PVT1: variants seen among roughly 807,000 people sequenced by gnomAD.
PVT1 encodes the protein CXCR4/PVT1 fusion.
chr8:127,802,374 C>G (rs996060571), intron 2 of PVT1, among the ~76,000 whole-genome samples: 1 of 152,038 alleles, frequency 6.6e-6, no homozygotes, highest in Non-Finnish European at 1.5e-5. Context: ...TCACCACGCC[C>G]AGCTAATTTT....
chr8:128,041,114 GTA>G (rs1443810316), intron 4 of PVT1, among the ~76,000 whole-genome samples: 19 of 151,424 alleles, frequency 1.3e-4, no homozygotes, highest in South Asian at 2.1e-4. Flanking sequence ...GTGATTGTGT[GTA>G]TATGTTTGTG....
intron 3 of PVT1, among the ~76,000 whole-genome samples, chr8:127,952,995 C>T (rs7007212): frequency 6.6e-6 from 1 of 151,728 alleles, no homozygotes; most frequent in Admixed American, 6.6e-5. Flanking sequence ...CGATCTCCTG[C>T]CCTCGTGATC....
intron 3 of PVT1, among the ~76,000 whole-genome samples, chr8:127,907,280 T>C (rs1256710679): frequency 6.6e-6 from 1 of 152,132 alleles, no homozygotes. Context: ...TCCCTGGCAC[T>C]CTTGAGCATG....
chr8:127,969,036 C>T (rs1009265866), intron 3 of PVT1, among the ~76,000 whole-genome samples: 1 of 152,160 alleles, frequency 6.6e-6, no homozygotes, highest in African/African-American at 2.4e-5. Flanking sequence ...TTTCAAGCCA[C>T]CTATTTTGCG....
intron 3 of PVT1, among the ~76,000 whole-genome samples, chr8:127,909,925 G>T (rs753201420): frequency 9.9e-5 from 15 of 152,080 alleles, no homozygotes; most frequent in Non-Finnish European, 2.2e-4. Flanking sequence ...TTTTCTTGGT[G>T]GGGTGTTCAT....
intron 5 of PVT1, among the ~76,000 whole-genome samples, chr8:128,076,986 G>T (rs1230688841): frequency 6.6e-6 from 1 of 152,176 alleles, no homozygotes; most frequent in Non-Finnish European, 1.5e-5. Flanking sequence ...CACGGCAAAG[G>T]GTATTCCCCT....
chr8:127,809,054 AAG>A (rs1554588302), intron 2 of PVT1, among the ~76,000 whole-genome samples: 4,512 of 136,796 alleles, frequency 0.033, 271 homozygotes, highest in Non-Finnish European at 0.038. Context: ...AAAAAAAAAA[AAG>A]AAAGAAAAAA....
chr8:127,836,342 T>C (rs1814908784), intron 2 of PVT1, among the ~76,000 whole-genome samples: 1 of 152,214 alleles, frequency 6.6e-6, no homozygotes, highest in Non-Finnish European at 1.5e-5. Context: ...GTGCAGGATG[T>C]GCAGATTTGT....
chr8:127,862,906 G>A (rs1815243473), intron 2 of PVT1, among the ~76,000 whole-genome samples: 1 of 152,008 alleles, frequency 6.6e-6, no homozygotes, highest in Non-Finnish European at 1.5e-5. Flanking sequence ...TGCAGATGGT[G>A]GAACCGGGGT....
intron 2 of PVT1, among the ~76,000 whole-genome samples, chr8:127,801,828 T>C (rs935189625): frequency 6.6e-6 from 1 of 152,168 alleles, no homozygotes; most frequent in Non-Finnish European, 1.5e-5. Flanking sequence ...GAAATTGATA[T>C]GTACTGTGTG....
intron 4 of PVT1, among the ~76,000 whole-genome samples, chr8:128,031,736 T>C (rs1418885387): frequency 6.6e-6 from 1 of 152,230 alleles, no homozygotes; most frequent in East Asian, 1.9e-4. Flanking sequence ...TCATTTAATC[T>C]TCATAATGAC....
intron 5 of PVT1, among the ~76,000 whole-genome samples, chr8:128,079,051 A>AT (rs934169585): frequency 1.0e-4 from 13 of 125,624 alleles, no homozygotes; most frequent in South Asian, 5.0e-4. Flanking sequence ...GTGATTTCCA[A>AT]TTTTTTTTTC....
intron 6 of PVT1, among the ~76,000 whole-genome samples, chr8:128,097,985 A>G (rs1416725002): frequency 6.6e-6 from 1 of 152,042 alleles, no homozygotes; most frequent in Non-Finnish European, 1.5e-5. Context: ...CCTACCCGGC[A>G]CCTGGAACTC....
At chr8:127,887,901 C>T (rs1047394373) in intron 2 of PVT1, among the ~76,000 whole-genome samples, 4 of 143,040 alleles carry the variant, frequency 2.8e-5, no homozygotes, top group Non-Finnish European at 6.0e-5. Flanking sequence ...GAGTCAAACC[C>T]AACTTGGATG....
intron 4 of PVT1, among the ~76,000 whole-genome samples, chr8:128,041,047 GTGTT>G (rs1203209201): frequency 4.0e-5 from 6 of 149,550 alleles, no homozygotes; most frequent in Admixed American, 2.0e-4. Context: ...GAGTGCCTGT[GTGTT>G]TGTGTGTTTT....
At chr8:127,799,524 GC>G (rs1186741003) in intron 2 of PVT1, among the ~76,000 whole-genome samples, 2 of 152,242 alleles carry the variant, frequency 1.3e-5, no homozygotes, top group Non-Finnish European at 2.9e-5. Flanking sequence ...GAAGTGGGGG[GC>G]TTGCCTGTAG....
At chr8:127,976,676 C>G (rs1426892696) in intron 3 of PVT1, among the ~76,000 whole-genome samples, 1 of 152,172 alleles carries the variant, frequency 6.6e-6, no homozygotes, top group Non-Finnish European at 1.5e-5. Flanking sequence ...ATGTTCAGTT[C>G]TGACAGACAC....
intron 2 of PVT1, among the ~76,000 whole-genome samples, chr8:127,846,142 C>G (rs1292913012): frequency 6.6e-6 from 1 of 152,174 alleles, no homozygotes; most frequent in Non-Finnish European, 1.5e-5. Context: ...GTGACTGGAG[C>G]TTTAAGAGCT....
At chr8:127,935,838 A>G (rs1816266310) in intron 3 of PVT1, among the ~76,000 whole-genome samples, 1 of 152,066 alleles carries the variant, frequency 6.6e-6, no homozygotes, top group Non-Finnish European at 1.5e-5. Context: ...CTTGGCTGTA[A>G]TGACCATCCT....
Sources: gnomAD v4.1 joint callset for allele counts (sites outside exome capture counted in the v4.1 genomes callset) on GRCh38, gnomAD v4.1.1 for gene constraint, MANE v1.5 for transcripts, NCBI Gene and HGNC (gene_info 2026-07-23, HGNC 2026-07-21) for gene names.